Variants in EP400 observed in about 807,000 individuals in gnomAD.
EP400 encodes E1A binding protein p400.
A neutral mutation model predicts 354.1 loss-of-function variants in EP400; 105 were observed. The ratio of observed to expected loss-of-function variants is 0.30; its 90% CI spans 0.25 to 0.35. EP400 has a LOEUF of 0.35. Ranked by LOEUF, EP400 falls within the 10% of genes least tolerant of loss-of-function variation. The pLI is 1.00. For synonymous variants in EP400, 1,646 were observed against 1,716.9 expected, an observed-to-expected ratio of 0.96 and a Z score of 1.02; for missense variants, 3,280 against 4,121.0, an observed-to-expected ratio of 0.80 and a Z score of 5.59.
At position 132,044,855 on chromosome 12, in the gene EP400, T is replaced by C. The variant is rs760082225; in HGVS notation, c.6686T>C (p.Val2229Ala). 6.2e-7 allele frequency: 1 copy of C among 1,614,114 alleles called. No individual in the cohort carries two copies. Among genetic ancestry groups the C allele is most frequent in the South Asian group, 1.1e-5 (1 of 91,078 alleles). The change falls in exon 37 of 53, where the codon GTC (valine) becomes GCC (alanine). Residue 2229 changes from valine to alanine, a missense_variant. Transcript: ENST00000389561. The part of the protein sequence containing the change: ...QDDSDIYLDS[V>A]MCLMYEATPI... ...GACAGCGACATCTACCTCGACTCGGTCATGTGTCTCATGTATGAAGCCACT... is the reference window on the plus strand; with the variant it reads ...GACAGCGACATCTACCTCGACTCGGCCATGTGTCTCATGTATGAAGCCACT...
At chr12:131,972,802 A>G (rs551818238) in intron 2 of EP400, among the ~76,000 whole-genome samples, 2 of 134,974 alleles carry the variant, frequency 1.5e-5, no homozygotes, top group African/African-American at 5.8e-5. Context: ...CGCGATCTCG[A>G]CTCACTACAG....
Position 132,077,776 on chromosome 12 carries a change from C to G in EP400, c.*103C>G. ...ACCATGTCACGCAAGAGATTCAGCA[C>G]TGGGAAAGATATAATTGAAACAAAA... On this transcript the variant is annotated 3_prime_UTR_variant, in exon 53 of 53. Coordinates refer to ENST00000389561, the MANE Select transcript of EP400 (RefSeq NM_015409.5). 2 of 1,324,374 alleles carry G rather than the reference C, an allele frequency of 1.5e-6. No homozygotes were observed. The highest frequency in any genetic ancestry group is 2.0e-6 in the Non-Finnish European group (2 of 991,384). 82.0% of individuals were successfully genotyped at this position (1,324,374 alleles called of 1,614,324 possible). A position where few individuals can be genotyped will look rare whatever the true frequency, so the allele number is the denominator to read the frequency against.
intron 1 of EP400, among the ~76,000 whole-genome samples, chr12:131,954,478 A>G (rs1324489146): frequency 1.3e-5 from 2 of 152,130 alleles, no homozygotes; most frequent in East Asian, 1.9e-4. Context: ...TAATCCCAGC[A>G]CTTTGGGAGG....
In EP400 at chr12:132,069,576, C is replaced by G; in HGVS notation, c.8956C>G (p.Leu2986Val). 6.2e-7 allele frequency: 1 copy of G among 1,614,260 alleles called. No homozygotes were observed. The highest frequency in any genetic ancestry group is 1.3e-5 in the African/African-American group (1 of 75,072). Residue 2986 changes from leucine to valine, a missense_variant, in exon 51 of 53, where the codon CTT (leucine) becomes GTT (valine). Physicochemically the swap from Leu to Val is conservative, Grantham distance 32 (BLOSUM62 1). Around this residue, in one of 20 missense-constraint regions of EP400, gnomAD observed 279 missense variants for 386.7 expected, o/e 0.72. Coordinates refer to ENST00000389561, the MANE Select transcript of EP400 (RefSeq NM_015409.5). ...AAQPALKTQF[L>V]TTPISQAQKL... Reference sequence around the variant, plus strand: ...GCAGCCGGCCCTTAAGACCCAGTTTCTTACCACACCCATCTCCCAGGCCCA... The same window carrying G: ...GCAGCCGGCCCTTAAGACCCAGTTTGTTACCACACCCATCTCCCAGGCCCA...
At position 132,073,459 on chromosome 12, in the gene EP400, CTTT is replaced by C. The variant is rs58724167; in HGVS notation, c.9022-3045_9022-3043del. ...GTGCGTTTTAATTCTGTCCCTTTTC[CTTT>C]TTTTTTTTTTTGACACAGTCTTGCT... On this transcript the variant is annotated intron_variant, in intron 51 of 52. Coordinates refer to ENST00000389561, the MANE Select transcript of EP400 (RefSeq NM_015409.5). 2.7e-3 allele frequency among the ~76,000 whole-genome samples: 312 copies of C among 117,704 alleles called. 17 individuals are homozygous for C. Among genetic ancestry groups the C allele is most frequent in the African/African-American group, 0.013 (292 of 22,650 alleles). The allele number at this position is 117,704 out of a possible 152,430, so 77.2% of individuals were successfully genotyped here.
At chr12:132,005,269 T>A in intron 13 of EP400, 85 bp downstream of exon 13, 1 of 945,504 alleles carries the variant, frequency 1.1e-6, no homozygotes, top group South Asian at 2.4e-5. Context: ...TTTAGAAAAT[T>A]TCTTTTAGTT....
At position 132,020,215 on chromosome 12, in the gene EP400, A is replaced by AC; in HGVS notation, c.4444_4445insC (p.Lys1482ThrfsTer30). ...CACGTTCTCTGCCAATCCGGAGGCA[A>AC]AAGGTAGACTTCACGTAGTTGTCTG... On this transcript the variant is annotated frameshift_variant, in exon 22 of 53. Transcript: ENST00000389561. LOFTEE classifies it high-confidence loss of function. The AC allele has an allele frequency of 6.2e-7, 1 of 1,600,852 alleles. No homozygotes were observed. The highest frequency in any genetic ancestry group is 8.5e-7 in the Non-Finnish European group (1 of 1,173,874).
rs763200042 is a variant in EP400, at chr12:132,044,938, A to G, written c.6769A>G (p.Lys2257Glu). 6.2e-7 allele frequency: 1 copy of G among 1,614,110 alleles called. No individual in the cohort carries two copies. Reference sequence around the variant, plus strand: ...CGTGAGGAAGGAGCGGAAGCGACACAAAACAGACCCCTCAGGTGCGCATCC... The same window carrying G: ...CGTGAGGAAGGAGCGGAAGCGACACGAAACAGACCCCTCAGGTGCGCATCC... ...VYVRKERKRHKTDPSAAGRKK... is the reference protein window; with the variant it reads ...VYVRKERKRHETDPSAAGRKK... Residue 2257 changes from lysine (K) to glutamate (E), a missense_variant, in exon 37 of 53, where the codon AAA (lysine) becomes GAA (glutamate). Physicochemically the swap from Lys to Glu is moderately conservative, Grantham distance 56. Transcript: ENST00000389561.
chr12:131,950,907 T>C (rs969291422), intron 1 of EP400, among the ~76,000 whole-genome samples: 1 of 150,950 alleles, frequency 6.6e-6, no homozygotes, highest in East Asian at 2.0e-4. Flanking sequence ...TTTGTTTTGT[T>C]ATTTTCTTTT....
rs1895321926 is a variant in EP400, at chr12:132,052,350, G to A, written c.7395-796G>A. ...TCCTTGTCAGAAGGAGTTGGCTCAG[G>A]GCCCATCTCCGCAAACCCCCAGGAC... On this transcript the variant is annotated intron_variant, in intron 41 of 52. Coordinates refer to ENST00000389561, the MANE Select transcript of EP400 (RefSeq NM_015409.5). This position sits in a 1 kb window ranked among gnomAD's most constrained non-coding sequence, Gnocchi z 4.4. 6.6e-6 allele frequency among the ~76,000 whole-genome samples: 1 copy of A among 152,140 alleles called. No homozygotes were observed. The highest frequency in any genetic ancestry group is 1.5e-5 in the Non-Finnish European group (1 of 68,020).
chr12:132,051,536 T>G (rs993668801), intron 41 of EP400, among the ~76,000 whole-genome samples: 1 of 152,210 alleles, frequency 6.6e-6, no homozygotes. Flanking sequence ...GGCCCTTCCC[T>G]GCCTGGCAGC....
intron 1 of EP400, among the ~76,000 whole-genome samples, chr12:131,959,782 C>T (rs916831409): frequency 3.3e-5 from 5 of 152,194 alleles, no homozygotes; most frequent in Non-Finnish European, 7.3e-5. Flanking sequence ...CCTTCCACTC[C>T]AGGACTTGGT....
intron 7 of EP400, among the ~76,000 whole-genome samples, 186 bp downstream of exon 7, chr12:131,988,076 A>G (rs1207122941): frequency 1.4e-5 from 2 of 145,222 alleles, no homozygotes; most frequent in Non-Finnish European, 3.0e-5. Flanking sequence ...TTTTTGCCAC[A>G]TTACCCAGAC....
intron 50 of EP400, chr12:132,069,227 G>A (rs1895994752): frequency 6.9e-6 from 3 of 437,946 alleles, no homozygotes; most frequent in African/African-American, 2.0e-5. Flanking sequence ...ACTATTCAGG[G>A]AGCAGTGTCC....
chr12:132,055,455 GGTGTGT>G (rs138515650), intron 45 of EP400, among the ~76,000 whole-genome samples: 2 of 140,756 alleles, frequency 1.4e-5, no homozygotes, highest in African/African-American at 2.7e-5. Flanking sequence ...GTGGTGTAGG[GGTGTGT>G]GTGTGTGTGT....
At chr12:131,950,842 C>A (rs1891450279) in intron 1 of EP400, among the ~76,000 whole-genome samples, 1 of 152,240 alleles carries the variant, frequency 6.6e-6, no homozygotes. Flanking sequence ...GAGCCTCGAC[C>A]TCCCGAGTGG....
At chr12:131,979,854 A>C in intron 3 of EP400, 61 bp downstream of exon 3, 5 of 1,403,704 alleles carry the variant, frequency 3.6e-6, no homozygotes, top group Non-Finnish European at 4.8e-6. Flanking sequence ...CTGCCGAGGT[A>C]CAGTTGCCAT....
chr12:131,959,706 C>A (rs536689217), intron 1 of EP400, among the ~76,000 whole-genome samples: 1 of 152,340 alleles, frequency 6.6e-6, no homozygotes, highest in East Asian at 1.9e-4. Flanking sequence ...TCCCTTGAGA[C>A]CTTCTCACAG....
intron 30 of EP400, among the ~76,000 whole-genome samples, chr12:132,033,346 G>T (rs546420378): frequency 1.3e-5 from 2 of 152,176 alleles, no homozygotes; most frequent in Admixed American, 1.3e-4. Context: ...AGTGCTTACT[G>T]TTACAGTGTA....
Sources: allele counts gnomAD v4.1 joint callset (sites outside exome capture counted in the v4.1 genomes callset), GRCh38; gene constraint gnomAD v4.1.1; regional missense constraint gnomAD v4.1.1; non-coding constraint Gnocchi (gnomAD v3.1); transcripts MANE v1.5; gene names NCBI Gene and HGNC (gene_info 2026-07-23, HGNC 2026-07-21).